Variants in STK3 observed in about 807,000 individuals in gnomAD.
The protein encoded by STK3 is serine/threonine-protein kinase 3.
Under a neutral mutation model 58.0 loss-of-function variants are expected in STK3, and 41 were observed. That is an observed-to-expected ratio of 0.71 (90% CI 0.55 to 0.92). The LOEUF is 0.92. Among genes scored for constraint, STK3 ranks in the 40% least tolerant of loss-of-function variants. The pLI is 0.00. For missense variants in STK3, 479 were observed against 602.7 expected, an observed-to-expected ratio of 0.79 and a Z score of 2.15; for synonymous variants, 170 against 191.0, an observed-to-expected ratio of 0.89 and a Z score of 0.91.
chr8:98,366,050 G>C, the STK3 span, among the ~76,000 whole-genome samples: 1 of 152,140 alleles, frequency 6.6e-6, no homozygotes, highest in African/African-American at 2.4e-5. Context: ...ATGGGTACAA[G>C]TGTTTGCAAT....
At chr8:98,587,241 A>G (rs1181162865) in intron 7 of STK3, among the ~76,000 whole-genome samples, 2 of 152,102 alleles carry the variant, frequency 1.3e-5, no homozygotes, top group East Asian at 3.8e-4. Flanking sequence ...ATTTAGCGCT[A>G]TAAATTTCCC....
In STK3 at chr8:98,503,562, A is replaced by C. The variant is rs112698349; in HGVS notation, c.1317+23180T>G. ...TTAGTGCTATAAATTTCCCTCTACA[A>C]ACTGCTTTAAATGTGCCCCAGAGAA... On this transcript the variant is annotated intron_variant, in intron 10 of 10. Transcript: ENST00000419617. Among the ~76,000 whole-genome samples, 174 of 152,200 alleles carry C rather than the reference A, an allele frequency of 1.1e-3. 1 individual carries two copies. Among genetic ancestry groups the C allele is most frequent in the African/African-American group, 3.6e-3 (148 of 41,552 alleles).
intron 1 of STK3, among the ~76,000 whole-genome samples, chr8:98,906,856 AATT>A (rs1454914266): frequency 2.0e-5 from 3 of 152,150 alleles, no homozygotes; most frequent in Non-Finnish European, 4.4e-5. Flanking sequence ...AAAACAAAAA[AATT>A]ATTACAGGCT....
At chr8:98,556,969 T>C (rs1019300650) in intron 8 of STK3, among the ~76,000 whole-genome samples, 3 of 152,084 alleles carry the variant, frequency 2.0e-5, no homozygotes, top group Admixed American at 1.3e-4. Context: ...AGATTTTAAT[T>C]TGAATAAAAT....
intron 10 of STK3, among the ~76,000 whole-genome samples, chr8:98,520,536 G>C (rs566146894): frequency 6.6e-6 from 1 of 152,120 alleles, no homozygotes; most frequent in East Asian, 1.9e-4. Flanking sequence ...AGACAATAAA[G>C]TGTTCTCTTT....
At chr8:98,740,829 T>C (rs1458390805) in intron 4 of STK3, among the ~76,000 whole-genome samples, 1 of 152,118 alleles carries the variant, frequency 6.6e-6, no homozygotes, top group Admixed American at 6.5e-5. Context: ...GACCCATCAG[T>C]GTGCTGTATT....
At chr8:98,375,028 C>T (rs558414385) in intron 2 of STK3, among the ~76,000 whole-genome samples, 9 of 151,684 alleles carry the variant, frequency 5.9e-5, no homozygotes, top group South Asian at 4.2e-4. Context: ...TCACTGGAGC[C>T]GAGGAGTTCA....
intron 6 of STK3, among the ~76,000 whole-genome samples, chr8:98,635,320 T>C (rs897289495): frequency 8.5e-5 from 13 of 152,188 alleles, no homozygotes; most frequent in Non-Finnish European, 1.5e-4. Context: ...TTATTATGTA[T>C]GGGGCAATGT....
At chr8:98,808,612 T>C (rs1316327770) in intron 1 of STK3, among the ~76,000 whole-genome samples, 1 of 152,188 alleles carries the variant, frequency 6.6e-6, no homozygotes, top group Non-Finnish European at 1.5e-5. Context: ...CAGTGATCCA[T>C]ACATTCAGCT....
At chr8:98,534,974 T>C (rs1201499183) in intron 9 of STK3, among the ~76,000 whole-genome samples, 1 of 152,180 alleles carries the variant, frequency 6.6e-6, no homozygotes, top group Non-Finnish European at 1.5e-5. Flanking sequence ...TTCTTTTTCT[T>C]TTTAAAGGGA....
At chr8:98,584,342 T>C (rs2131755509) in intron 7 of STK3, among the ~76,000 whole-genome samples, 1 of 151,540 alleles carries the variant, frequency 6.6e-6, no homozygotes, top group African/African-American at 2.4e-5. Flanking sequence ...AGTGAGAATA[T>C]ACGGTGTTTG....
At chr8:98,684,780 T>C (rs1183174225) in intron 6 of STK3, among the ~76,000 whole-genome samples, 1 of 152,192 alleles carries the variant, frequency 6.6e-6, no homozygotes, top group East Asian at 1.9e-4. Context: ...CCTGGTTCAG[T>C]AATTATTGCT....
At chr8:98,452,576 C>T (rs1166773080), downstream of STK3, among the ~76,000 whole-genome samples, 2 of 152,124 alleles carry the variant, frequency 1.3e-5, no homozygotes. Context: ...TCACTAGCTT[C>T]AGTTACATTC....
chr8:98,911,384 GTATTTATT>G (rs201242993), intron 1 of STK3, among the ~76,000 whole-genome samples: 1 of 106,986 alleles, frequency 9.3e-6, no homozygotes, highest in Non-Finnish European at 2.0e-5. Flanking sequence ...ATATTGTATT[GTATTTATT>G]TATTTATTTA....
chr8:98,929,061 T>A (rs1839913692), intron 1 of STK3, among the ~76,000 whole-genome samples: 1 of 151,110 alleles, frequency 6.6e-6, no homozygotes, highest in South Asian at 2.1e-4. Context: ...AGGTCAGGAG[T>A]TTGAGACCAG....
intron 10 of STK3, among the ~76,000 whole-genome samples, chr8:98,499,169 A>G (rs73275823): frequency 0.018 from 2,689 of 152,278 alleles, 78 homozygotes; most frequent in African/African-American, 0.062. Context: ...AAGGAATGCA[A>G]GGAATACAGA....
At chr8:98,480,754 A>G (rs1821783814) in intron 10 of STK3, among the ~76,000 whole-genome samples, 1 of 152,174 alleles carries the variant, frequency 6.6e-6, no homozygotes, top group Non-Finnish European at 1.5e-5. Context: ...CCACCCTCCC[A>G]GTGAAATCAA....
chr8:98,368,636 T>TG, downstream of STK3, among the ~76,000 whole-genome samples: 1 of 152,318 alleles, frequency 6.6e-6, no homozygotes, highest in East Asian at 1.9e-4. Flanking sequence ...CTATGTCTCC[T>TG]GCATTCACAA....
At chr8:98,527,379 G>A (rs1231348896) in intron 9 of STK3, among the ~76,000 whole-genome samples, 1 of 152,106 alleles carries the variant, frequency 6.6e-6, no homozygotes, top group Non-Finnish European at 1.5e-5. Flanking sequence ...AGAACTTTGG[G>A]AGGCTAAGGT....
Sources: gnomAD v4.1 joint callset for allele counts (sites outside exome capture counted in the v4.1 genomes callset) on GRCh38, gnomAD v4.1.1 for gene constraint, MANE v1.5 for transcripts, NCBI Gene and HGNC (gene_info 2026-07-23, HGNC 2026-07-21) for gene names.